VAMP1: variants seen among roughly 807,000 people sequenced by gnomAD.
The protein encoded by VAMP1 is vesicle associated membrane protein 1.
A neutral mutation model predicts 19.1 loss-of-function variants in VAMP1; 16 were observed. The ratio of observed to expected loss-of-function variants is 0.84; its 90% CI spans 0.57 to 1.27. The LOEUF (loss-of-function observed/expected upper bound fraction) is 1.27. VAMP1 is among the 50% of genes most tolerant of loss of function. The probability of loss-of-function intolerance (pLI) is 0.00; values close to 1 mark genes in which losing one functional copy is unlikely to be tolerated. For synonymous variants in VAMP1, 37 were observed against 50.2 expected (o/e 0.74, Z 1.11); for missense variants, 109 against 145.4 (o/e 0.75, Z 1.29).
At chr12:6,468,752 G>A (rs1945695211) in intron 1 of VAMP1, among the ~76,000 whole-genome samples, 1 of 152,118 alleles carries the variant, frequency 6.6e-6, no homozygotes, top group Non-Finnish European at 1.5e-5. Flanking sequence ...AAACATGGAG[G>A]CTAAACTCAC....
At position 6,462,358 on chromosome 12, in the gene VAMP1, G is replaced by A. The variant is rs768704434; in HGVS notation, c.*2112C>T. 1.9e-5 allele frequency: 10 copies of A among 518,918 alleles called. No individual in the cohort carries two copies. The highest frequency in any genetic ancestry group is 3.6e-5 in the Admixed American group (1 of 27,890). The allele number at this position is 518,918 out of a possible 1,614,324, so 32.1% of individuals were successfully genotyped here. On this transcript the variant is annotated 3_prime_UTR_variant, in exon 5 of 5. Coordinates refer to ENST00000396308, the MANE Select transcript of VAMP1 (RefSeq NM_014231.5). ...TACTCTATACAAGTATGAGATCAGG[G>A]TTAGGAAAAAAAGACAAAGAGGTGA...
rs760733176 is a variant in VAMP1, at chr12:6,462,868, G to A, written c.*1602C>T. 5.6e-6 allele frequency: 9 copies of A among 1,604,358 alleles called. No homozygotes were observed. In the South Asian group the frequency reaches 1.0e-4, roughly 18 times the overall value. Reference sequence around the variant, plus strand: ...CTTGGGCAGGACGAAGGGAATGTGGGAAACAAGGGCGAAAGGAAAGGAAGG... The same window carrying A: ...CTTGGGCAGGACGAAGGGAATGTGGAAAACAAGGGCGAAAGGAAAGGAAGG... On this transcript the variant is annotated 3_prime_UTR_variant, in exon 5 of 5. Coordinates refer to ENST00000396308, the MANE Select transcript of VAMP1 (RefSeq NM_014231.5).
At chr12:6,464,581 C>T (rs2137003358) in intron 4 of VAMP1, 95 bp from the exon 5 acceptor site, 1 of 1,463,424 alleles carries the variant, frequency 6.8e-7, no homozygotes, top group South Asian at 1.5e-5. Flanking sequence ...ACATTCAGGT[C>T]TCTCCATTGT....
At position 6,463,679 on chromosome 12, in the gene VAMP1, A is replaced by G; in HGVS notation, c.*791T>C. ...AATTATTTGGCTAGATAAAACTACC[A>G]GCTAGATGGATTTATTTGGTGCCCT... On this transcript the variant is annotated 3_prime_UTR_variant, in exon 5 of 5. Coordinates refer to ENST00000396308, the MANE Select transcript of VAMP1 (RefSeq NM_014231.5). The surrounding 1 kb of genome is among the most constrained non-coding windows in gnomAD (Gnocchi z 4.0). 9.1e-7 allele frequency: 1 copy of G among 1,097,546 alleles called. No homozygotes were observed. The highest frequency in any genetic ancestry group is 1.1e-6 in the Non-Finnish European group (1 of 895,166). 68.0% of individuals were successfully genotyped at this position (1,097,546 alleles called of 1,614,324 possible). A position where few individuals can be genotyped will look rare whatever the true frequency, so the allele number is the denominator to read the frequency against.
chr12:6,464,800 G>T, intron 4 of VAMP1, 90 bp downstream of exon 4: 1 of 1,601,072 alleles, frequency 6.2e-7, no homozygotes, highest in South Asian at 1.1e-5. Context: ...AGTCAGAGCA[G>T]CCCCACTCCC....
chr12:6,466,570 T>G, intron 1 of VAMP1: 1 of 436,018 alleles, frequency 2.3e-6, no homozygotes, highest in Non-Finnish European at 4.1e-6. Context: ...CCAAACCACT[T>G]AAACAATTAT....
chr12:6,462,510 G>T lies in VAMP1; in HGVS notation c.*1960C>A. The T allele has an allele frequency of 2.0e-6, 1 of 499,078 alleles. No individual in the cohort carries two copies. Among genetic ancestry groups the T allele is most frequent in the Non-Finnish European group, 3.6e-6 (1 of 281,466 alleles). The allele number at this position is 499,078 out of a possible 1,614,324, so 30.9% of individuals were successfully genotyped here. ...TGCACATTTGCTCATGCACATGGGT[G>T]GTGGGAGGAAAGGGGGATAGCAGAG... On this transcript the variant is annotated 3_prime_UTR_variant, in exon 5 of 5. Transcript: ENST00000396308.
At chr12:6,468,122 A>T (rs535190457) in intron 1 of VAMP1, among the ~76,000 whole-genome samples, 71 of 152,304 alleles carry the variant, frequency 4.7e-4, no homozygotes, top group Admixed American at 4.4e-3. Context: ...TATGAGAAAA[A>T]GGTCACCATT....
Position 6,464,030 on chromosome 12 carries a change from G to A in VAMP1, c.*440C>T, listed in dbSNP as rs143060738. 315 of 1,294,822 alleles carry A rather than the reference G, an allele frequency of 2.4e-4. 1 individual carries two copies. In the African/African-American group the frequency reaches 4.4e-3, roughly 18 times the overall value. 80.2% of individuals were successfully genotyped at this position (1,294,822 alleles called of 1,614,324 possible). On this transcript the variant is annotated 3_prime_UTR_variant, in exon 5 of 5. Transcript: ENST00000396308. ...TCCACATGACCAGGCAGTACTGAGTGAGCTGCCATCTTCCCAGCCCCTCCC... is the reference window on the plus strand; with the variant it reads ...TCCACATGACCAGGCAGTACTGAGTAAGCTGCCATCTTCCCAGCCCCTCCC...
rs1565522721 is a variant in VAMP1 at position 6,462,459 on chromosome 12, T to C, written c.*2011A>G. On this transcript the variant is annotated 3_prime_UTR_variant, in exon 5 of 5. Transcript: ENST00000396308. ...CGGGATGTGGGAAGCTCAGCTTCATTTGACTGCAAAGTCCCAGGGTTTTGT... is the reference window on the plus strand; with the variant it reads ...CGGGATGTGGGAAGCTCAGCTTCATCTGACTGCAAAGTCCCAGGGTTTTGT... The C allele has an allele frequency of 4.0e-6, 2 of 494,002 alleles. No homozygotes were observed. Among genetic ancestry groups the C allele is most frequent in the Non-Finnish European group, 7.2e-6 (2 of 277,620 alleles). The allele number at this position is 494,002 out of a possible 1,614,324, so 30.6% of individuals were successfully genotyped here.
rs752310304 is a variant in VAMP1 at position 6,464,340 on chromosome 12, G to A, written c.*130C>T. On this transcript the variant is annotated 3_prime_UTR_variant, in exon 5 of 5. Coordinates refer to ENST00000396308, the MANE Select transcript of VAMP1 (RefSeq NM_014231.5). Reference sequence around the variant, plus strand: ...TGCAAATGAACGCAACGAAAAAGGAGGAATGGGTGATGGAGAAGCCTGGGC... The same window carrying A: ...TGCAAATGAACGCAACGAAAAAGGAAGAATGGGTGATGGAGAAGCCTGGGC... The A allele has an allele frequency of 4.3e-5, 66 of 1,550,456 alleles. No individual in the cohort carries two copies. Among genetic ancestry groups the A allele is most frequent in the Admixed American group, 5.9e-5 (3 of 50,930 alleles).
At chr12:6,466,467 G>C (rs1157167117) in intron 1 of VAMP1, 116 bp from the exon 2 acceptor site, 15 of 1,200,322 alleles carry the variant, frequency 1.2e-5, no homozygotes, top group Non-Finnish European at 1.7e-5. Flanking sequence ...AGGAGCGCTT[G>C]AGCCCAGGAG....
At position 6,470,549 on chromosome 12, in the gene VAMP1, TG is replaced by T; in HGVS notation, c.-19del. The stretch of plus-strand genomic sequence containing the variant: ...ACTCACATTTTTCTGACAGAGAGAG[TG>T]AGGGTCTGTTCCTCTCCGGAGGCTG... On this transcript the variant is annotated 5_prime_UTR_variant, in exon 1 of 5. Coordinates refer to ENST00000396308, the MANE Select transcript of VAMP1 (RefSeq NM_014231.5). 6.2e-7 allele frequency: 1 copy of T among 1,613,042 alleles called. No homozygotes were observed.
rs541765403 is a variant in VAMP1, at chr12:6,462,705, A to T, written c.*1765T>A. 8 of 1,003,520 alleles carry T rather than the reference A, an allele frequency of 8.0e-6. No homozygotes were observed. The African/African-American group carries it at 8.2e-5, about 10-fold the overall frequency. The allele number at this position is 1,003,520 out of a possible 1,614,324, so 62.2% of individuals were successfully genotyped here. A position where few individuals can be genotyped will look rare whatever the true frequency, so the allele number is the denominator to read the frequency against. On this transcript the variant is annotated 3_prime_UTR_variant, in exon 5 of 5. Transcript: ENST00000396308. The stretch of plus-strand genomic sequence containing the variant: ...GACGGATTCGCTCCAGGCTTGGGAC[A>T]CATCGAGGACAGTGGTGGTTCTTCT...
chr12:6,464,278 G>A lies in VAMP1; in HGVS notation c.*192C>T. Reference sequence around the variant, plus strand: ...TGCTCTTCGGGTAATGACTTAGATTGTGCCACGAGCAGCATTTCTAGTGTT... The same window carrying A: ...TGCTCTTCGGGTAATGACTTAGATTATGCCACGAGCAGCATTTCTAGTGTT... On this transcript the variant is annotated 3_prime_UTR_variant, in exon 5 of 5. Coordinates refer to ENST00000396308, the MANE Select transcript of VAMP1 (RefSeq NM_014231.5). 1.3e-6 allele frequency: 2 copies of A among 1,537,210 alleles called. No individual in the cohort carries two copies. The highest frequency in any genetic ancestry group is 1.7e-4 in the Middle Eastern group (1 of 5,948).
rs1013326450 is a variant in VAMP1, at chr12:6,470,662, T to A, written c.-131A>T. On this transcript the variant is annotated 5_prime_UTR_variant, in exon 1 of 5. Coordinates refer to ENST00000396308, the MANE Select transcript of VAMP1 (RefSeq NM_014231.5). ...CGCGCCGACTACCCCGCGGTCTAGC[T>A]GCGCTGGAACTTACTGCAGCTGCCG... The A allele has an allele frequency of 8.1e-6, 10 of 1,239,274 alleles. No individual in the cohort carries two copies. The highest frequency in any genetic ancestry group is 1.2e-5 in the Non-Finnish European group (10 of 863,320). 76.8% of individuals were successfully genotyped at this position (1,239,274 alleles called of 1,614,324 possible).
At position 6,464,200 on chromosome 12, in the gene VAMP1, T is replaced by G. The variant is rs1949947054; in HGVS notation, c.*270A>C. 7.5e-6 allele frequency: 11 copies of G among 1,463,800 alleles called. No homozygotes were observed. The highest frequency in any genetic ancestry group is 5.7e-5 in the East Asian group (2 of 34,936). The allele number at this position is 1,463,800 out of a possible 1,614,324, so 90.7% of individuals were successfully genotyped here. On this transcript the variant is annotated 3_prime_UTR_variant, in exon 5 of 5. Coordinates refer to ENST00000396308, the MANE Select transcript of VAMP1 (RefSeq NM_014231.5). ...CCTTGGCCTCCAACTCTTTGGGGCT[T>G]TGGGGGAACTTGAGAGTACAGAAAA...
chr12:6,469,606 T>C (rs1015194425), intron 1 of VAMP1, among the ~76,000 whole-genome samples: 4 of 152,238 alleles, frequency 2.6e-5, no homozygotes, highest in Admixed American at 1.3e-4. Flanking sequence ...ACAACCCTTA[T>C]GTAACACAAG....
Position 6,464,893 on chromosome 12 carries a change from C to G in VAMP1, c.337G>C (p.Val113Leu), listed in dbSNP as rs1008778673. The change falls in exon 4 of 5, where the codon GTA becomes CTA. Residue 113 changes from valine to leucine, a missense_variant. Val to Leu is a conservative substitution (Grantham distance 32). Transcript: ENST00000396308. ...AICAIIVVVI[V>L]IYFFT is the part of the protein sequence containing the mutation. The stretch of plus-strand genomic sequence containing the variant: ...CAGCAACTTCAGCGATACTTACTTA[C>G]AATAACTACCACGATGATGGCACAG... 6.2e-7 allele frequency: 1 copy of G among 1,614,058 alleles called. No individual in the cohort carries two copies. Among genetic ancestry groups the G allele is most frequent in the Non-Finnish European group, 8.5e-7 (1 of 1,180,018 alleles).
Sources: allele counts gnomAD v4.1 joint callset (sites outside exome capture counted in the v4.1 genomes callset), GRCh38; gene constraint gnomAD v4.1.1; non-coding constraint Gnocchi (gnomAD v3.1); transcripts MANE v1.5; gene names NCBI Gene and HGNC (gene_info 2026-07-23, HGNC 2026-07-21).